The following ROR1 variants were observed in gnomAD, a reference collection of about 807,000 sequenced individuals.
ROR1 encodes ROR family WNT receptor 1, also known as inactive tyrosine-protein kinase transmembrane receptor ROR1.
ROR1 carries 19 observed loss-of-function variants against 78.8 expected under a neutral mutation model. The observed-to-expected ratio is 0.24, with a 90% confidence interval of 0.17 to 0.35. The LOEUF (loss-of-function observed/expected upper bound fraction) is 0.35. Ranked by LOEUF, ROR1 falls within the 10% of genes least tolerant of loss-of-function variation. The pLI is 1.00. For synonymous variants in ROR1, 386 were observed against 433.6 expected, an observed-to-expected ratio of 0.89 and a Z score of 1.36; for missense variants, 917 against 1,177.8, an observed-to-expected ratio of 0.78 and a Z score of 3.24.
At chr1:64,107,212 GC>G (rs1311580131) in intron 4 of ROR1, among the ~76,000 whole-genome samples, 1 of 152,076 alleles carries the variant, frequency 6.6e-6, no homozygotes, top group Admixed American at 6.6e-5. Flanking sequence ...AGTAGTTGTT[GC>G]CCCCATTTTG....
chr1:64,095,348 T>C (rs938178735), intron 4 of ROR1: 1 of 152,214 alleles, frequency 6.6e-6, no homozygotes, highest in African/African-American at 2.4e-5. Flanking sequence ...CAAATGGTAA[T>C]AGCCCAAATT....
chr1:63,776,271 T>G (rs1644615841), intron 1 of ROR1, among the ~76,000 whole-genome samples: 1 of 152,262 alleles, frequency 6.6e-6, no homozygotes, highest in Non-Finnish European at 1.5e-5. Context: ...TTTTGCTCAC[T>G]GTAAACACCC....
intron 1 of ROR1, among the ~76,000 whole-genome samples, chr1:63,992,200 T>C (rs1230408715): frequency 6.6e-6 from 1 of 150,724 alleles, no homozygotes; most frequent in East Asian, 1.9e-4. Context: ...ATTATTATTA[T>C]ATTTATTTAT....
chr1:63,906,339 A>G (rs1454521121), intron 1 of ROR1, among the ~76,000 whole-genome samples: 1 of 152,158 alleles, frequency 6.6e-6, no homozygotes, highest in Admixed American at 6.5e-5. Context: ...TTTTGTAAAC[A>G]TCTGGTTTCA....
At chr1:64,090,457 A>G (rs1414412134) in intron 4 of ROR1, among the ~76,000 whole-genome samples, 2 of 152,228 alleles carry the variant, frequency 1.3e-5, no homozygotes, top group Non-Finnish European at 2.9e-5. Flanking sequence ...TGCTCTGCTT[A>G]GTACGTAAGC....
Position 64,026,520 on chromosome 1 carries a change from A to G in ROR1, c.163+17144A>G, listed in dbSNP as rs1646611034. On this transcript the variant is annotated intron_variant, in intron 2 of 8. Transcript: ENST00000371079. ...AAAGCAGTATCTTGTAGTATAATTT[A>G]TGCTTAATAAAGAAAGCCAAAATAT... is the stretch of plus-strand genomic sequence containing the variant. Among the ~76,000 whole-genome samples the G allele has an allele frequency of 2.6e-5, 4 of 152,166 alleles. No individual in the cohort carries two copies. In the South Asian group the frequency reaches 8.3e-4, roughly 32 times the overall value.
intron 1 of ROR1, among the ~76,000 whole-genome samples, chr1:63,794,091 G>A (rs1644743678): frequency 6.6e-6 from 1 of 152,312 alleles, no homozygotes; most frequent in Non-Finnish European, 1.5e-5. Flanking sequence ...CGTCCTCACT[G>A]TCACCGCTTC....
In ROR1 at chr1:64,134,868, C is replaced by G. The variant is rs1433593957; in HGVS notation, c.483-2501C>G. ...GGTTCAAGTGATTCTCCTACCTCAGCCCCCTGACTAGCTGGGATTACAGGC... is the reference window on the plus strand; with the variant it reads ...GGTTCAAGTGATTCTCCTACCTCAGGCCCCTGACTAGCTGGGATTACAGGC... On this transcript the variant is annotated intron_variant, in intron 4 of 8. Transcript: ENST00000371079. Among the ~76,000 whole-genome samples, 3 of 151,782 alleles carry G rather than the reference C, an allele frequency of 2.0e-5. 1 individual carries two copies. The highest frequency in any genetic ancestry group is 2.9e-5 in the Non-Finnish European group (2 of 68,000).
intron 4 of ROR1, among the ~76,000 whole-genome samples, chr1:64,086,975 TG>T (rs1478045095): frequency 2.0e-5 from 3 of 152,322 alleles, no homozygotes; most frequent in African/African-American, 7.2e-5. Context: ...ATTCTGCCAG[TG>T]GCTGAATTCA....
intron 1 of ROR1, among the ~76,000 whole-genome samples, chr1:63,839,990 ACT>A (rs1248664427): frequency 2.6e-5 from 4 of 151,904 alleles, no homozygotes; most frequent in Non-Finnish European, 5.9e-5. Context: ...AACCCCCAAA[ACT>A]CTGCATCTGA....
At chr1:63,994,918 G>C (rs1020120509) in intron 1 of ROR1, among the ~76,000 whole-genome samples, 2 of 152,222 alleles carry the variant, frequency 1.3e-5, no homozygotes, top group African/African-American at 4.8e-5. Context: ...CAGTTGACTG[G>C]AAAGGCCTCC....
intron 8 of ROR1, among the ~76,000 whole-genome samples, chr1:64,162,898 C>T (rs1026341740): frequency 1.3e-5 from 2 of 152,100 alleles, no homozygotes; most frequent in Non-Finnish European, 2.9e-5. Flanking sequence ...CCCCTACATC[C>T]CCTGCCAGGT....
intron 1 of ROR1, among the ~76,000 whole-genome samples, chr1:63,955,805 A>T (rs938975347): frequency 5.9e-5 from 9 of 151,984 alleles, no homozygotes; most frequent in African/African-American, 2.2e-4. Context: ...TTCCATTTTT[A>T]CCGTTATCCC....
chr1:63,964,890 G>C (rs1242919653), intron 1 of ROR1, among the ~76,000 whole-genome samples: 1 of 152,178 alleles, frequency 6.6e-6, no homozygotes, highest in East Asian at 1.9e-4. Flanking sequence ...GAGAACTGAG[G>C]ATGAGTTTCT....
chr1:64,108,064 G>T (rs1318603555), intron 4 of ROR1, among the ~76,000 whole-genome samples: 1 of 7,922 alleles, frequency 1.3e-4, no homozygotes, highest in Non-Finnish European at 3.8e-4. Context: ...TTCTTGTTGT[G>T]TGTGTGTGTG....
At chr1:63,908,149 G>C (rs771091204) in intron 1 of ROR1, among the ~76,000 whole-genome samples, 15 of 152,150 alleles carry the variant, frequency 9.9e-5, no homozygotes, top group Non-Finnish European at 1.3e-4. Flanking sequence ...GAAACTGAAG[G>C]CTGGATTTGC....
intron 1 of ROR1, among the ~76,000 whole-genome samples, chr1:63,797,466 A>T (rs1008225537): frequency 3.3e-5 from 5 of 152,216 alleles, no homozygotes; most frequent in African/African-American, 1.2e-4. Context: ...ATCACAGACT[A>T]TCAGAGTCCG....
chr1:64,001,187 C>G (rs1023644036), intron 1 of ROR1, among the ~76,000 whole-genome samples: 3 of 152,174 alleles, frequency 2.0e-5, no homozygotes, highest in Non-Finnish European at 4.4e-5. Flanking sequence ...ATACATGCAA[C>G]AAAGTAGATG....
chr1:63,984,137 C>G (rs894640826), intron 1 of ROR1, among the ~76,000 whole-genome samples: 4 of 152,156 alleles, frequency 2.6e-5, no homozygotes, highest in African/African-American at 9.7e-5. Context: ...AATTACCTAG[C>G]TTATTGCCTG....
Sources: allele counts gnomAD v4.1 joint callset (sites outside exome capture counted in the v4.1 genomes callset), GRCh38; gene constraint gnomAD v4.1.1; transcripts MANE v1.5; gene names NCBI Gene and HGNC (gene_info 2026-07-23, HGNC 2026-07-21).